The following PLCG2 variants were observed in gnomAD, a reference collection of about 807,000 sequenced individuals.
PLCG2 encodes the protein phospholipase C gamma 2.
Under a neutral mutation model 175.6 loss-of-function variants are expected in PLCG2, and 69 were observed. That is an observed-to-expected ratio of 0.39 (90% CI 0.32 to 0.48). The LOEUF is 0.48. Among genes scored for constraint, PLCG2 ranks in the 20% least tolerant of loss-of-function variants. PLCG2 has a pLI of 0.91. For missense variants in PLCG2, 1,798 were observed against 1,650.9 expected, an observed-to-expected ratio of 1.09 and a Z score of -1.54; for synonymous variants, 827 against 624.0, an observed-to-expected ratio of 1.33 and a Z score of -4.85.
At chr16:81,807,697 A>G (rs1414811845) in intron 2 of PLCG2, among the ~76,000 whole-genome samples, 2 of 152,206 alleles carry the variant, frequency 1.3e-5, no homozygotes, top group African/African-American at 4.8e-5. Flanking sequence ...GGCTATAAAG[A>G]GCTACCAAAG....
chr16:81,769,819 CAAAAAAAAAA>C (rs71146043), intron 2 of PLCG2, among the ~76,000 whole-genome samples: 3 of 75,658 alleles, frequency 4.0e-5, no homozygotes, highest in Non-Finnish European at 6.8e-5. Flanking sequence ...GACTCCGTCT[CAAAAAAAAAA>C]AAAAAAAAAA....
intron 9 of PLCG2, among the ~76,000 whole-genome samples, chr16:81,887,589 C>T (rs1294297047): frequency 6.6e-6 from 1 of 152,194 alleles, no homozygotes; most frequent in Non-Finnish European, 1.5e-5. Context: ...GTCTTGCACC[C>T]ATGCATGTCA....
chr16:81,773,118 T>C (rs1176043012), intron 2 of PLCG2, among the ~76,000 whole-genome samples: 2 of 152,184 alleles, frequency 1.3e-5, no homozygotes, highest in Non-Finnish European at 2.9e-5. Flanking sequence ...AGAGCAGGCT[T>C]TGTGACCCAT....
intron 2 of PLCG2, among the ~76,000 whole-genome samples, chr16:81,759,070 G>A (rs1453317440): frequency 2.6e-5 from 4 of 152,154 alleles, no homozygotes; most frequent in South Asian, 2.1e-4. Context: ...GTATCTTTAC[G>A]TGTTATTATC....
chr16:81,823,017 G>A (rs774769402), intron 2 of PLCG2, among the ~76,000 whole-genome samples: 19 of 152,262 alleles, frequency 1.2e-4, no homozygotes, highest in Non-Finnish European at 2.6e-4. Flanking sequence ...GGAGCTGAAA[G>A]CTGATAAATG....
intron 2 of PLCG2, among the ~76,000 whole-genome samples, chr16:81,788,550 AG>A (rs1383958862): frequency 1.3e-5 from 2 of 152,172 alleles, no homozygotes; most frequent in African/African-American, 4.8e-5. Context: ...CCCACAAAAG[AG>A]GTTGCCCCCA....
chr16:81,752,453 C>T (rs947027597), intron 1 of PLCG2, among the ~76,000 whole-genome samples: 1 of 152,152 alleles, frequency 6.6e-6, no homozygotes, highest in Non-Finnish European at 1.5e-5. Flanking sequence ...GGGGTGGAGG[C>T]GGCTGGCCGT....
rs373142398 is a variant in PLCG2 at position 81,883,318 on chromosome 16, A to T, written c.742A>T (p.Arg248Trp). ...TGCTGTTTACCTGCATGACTTCCAG[A>T]GGTTTCTCATACATGAACAGCAGGT... ...ASAVYLHDFQ[R>W]FLIHEQQEHW... Residue 248 changes from arginine to tryptophan, a missense_variant, in exon 9 of 33, where the codon AGG (arginine) becomes TGG (tryptophan). By Grantham distance (101) the Arg-to-Trp change is moderately radical. Coordinates refer to ENST00000564138, the MANE Select transcript of PLCG2 (RefSeq NM_002661.5). 3.1e-6 allele frequency: 5 copies of T among 1,614,086 alleles called. No homozygotes were observed. The highest frequency in any genetic ancestry group is 3.4e-6 in the Non-Finnish European group (4 of 1,179,970).
chr16:81,809,669 C>T (rs541700940), intron 2 of PLCG2, among the ~76,000 whole-genome samples: 12 of 152,196 alleles, frequency 7.9e-5, no homozygotes, highest in African/African-American at 2.4e-4. Flanking sequence ...TTGCTGTTTT[C>T]TCTGTTCCCT....
chr16:81,951,067 A>C (rs1396618108), intron 31 of PLCG2, among the ~76,000 whole-genome samples: 1 of 152,192 alleles, frequency 6.6e-6, no homozygotes, highest in Admixed American at 6.5e-5. Flanking sequence ...GGCTCACTGC[A>C]GCCTTGACCT....
intron 2 of PLCG2, among the ~76,000 whole-genome samples, chr16:81,769,204 T>C (rs879672753): frequency 6.6e-6 from 1 of 152,178 alleles, no homozygotes; most frequent in Admixed American, 6.5e-5. Context: ...CTTTCTGAAA[T>C]GGTTGCCGCA....
chr16:81,895,280 G>C (rs1278944914), intron 12 of PLCG2, among the ~76,000 whole-genome samples: 1 of 152,260 alleles, frequency 6.6e-6, no homozygotes, highest in Admixed American at 6.5e-5. Context: ...AAGCATTGAG[G>C]TTGGGCGTGG....
chr16:81,861,912 A>G (rs921690453), intron 5 of PLCG2, among the ~76,000 whole-genome samples: 1 of 152,178 alleles, frequency 6.6e-6, no homozygotes, highest in South Asian at 2.1e-4. Flanking sequence ...GACCCTCTGC[A>G]GAGAGAAACT....
At chr16:81,813,699 A>G (rs79773175) in intron 2 of PLCG2, among the ~76,000 whole-genome samples, 13,625 of 152,246 alleles carry the variant, frequency 0.089, 703 homozygotes, top group African/African-American at 0.15. Flanking sequence ...GAATATATTC[A>G]TTGGATGGCC....
chr16:81,806,087 T>C (rs1243788215), intron 2 of PLCG2, among the ~76,000 whole-genome samples: 1 of 152,030 alleles, frequency 6.6e-6, no homozygotes, highest in Non-Finnish European at 1.5e-5. Flanking sequence ...ACGAGATATT[T>C]GATTCTGGTT....
At chr16:81,926,736 TTC>T (rs1910290737) in intron 22 of PLCG2, among the ~76,000 whole-genome samples, 1 of 152,176 alleles carries the variant, frequency 6.6e-6, no homozygotes, top group Non-Finnish European at 1.5e-5. Context: ...CAGAACCACC[TTC>T]TCTCTAAATT....
intron 22 of PLCG2, among the ~76,000 whole-genome samples, chr16:81,923,971 T>A (rs1047469067): frequency 6.6e-6 from 1 of 152,198 alleles, no homozygotes; most frequent in Non-Finnish European, 1.5e-5. Context: ...AATGAGACTT[T>A]CCAAGTCACA....
intron 5 of PLCG2, among the ~76,000 whole-genome samples, chr16:81,864,307 C>T (rs946333610): frequency 6.6e-6 from 1 of 152,134 alleles, no homozygotes; most frequent in Non-Finnish European, 1.5e-5. Flanking sequence ...AGCAGGGCAC[C>T]CCTCACCACA....
chr16:81,889,630 C>T (rs924669219), intron 10 of PLCG2, among the ~76,000 whole-genome samples: 21 of 151,790 alleles, frequency 1.4e-4, no homozygotes, highest in African/African-American at 4.8e-4. Context: ...GCTGGAGTTT[C>T]GTTTTTTTAT....
Sources: allele counts gnomAD v4.1 joint callset (sites outside exome capture counted in the v4.1 genomes callset), GRCh38; gene constraint gnomAD v4.1.1; transcripts MANE v1.5; gene names NCBI Gene and HGNC (gene_info 2026-07-23, HGNC 2026-07-21).